Variants in DISP3 observed in about 807,000 individuals in gnomAD.
DISP3 encodes the protein dispatched RND transporter family member 3, also known as protein dispatched homolog 3.
A neutral mutation model predicts 135.3 loss-of-function variants in DISP3; 101 were observed. The ratio of observed to expected loss-of-function variants is 0.75; its 90% confidence interval spans 0.64 to 0.88. The LOEUF (loss-of-function observed/expected upper bound fraction) is 0.88. Ranked by LOEUF, DISP3 falls within the 40% of genes least tolerant of loss-of-function variation. The pLI, the probability that DISP3 is intolerant of heterozygous loss-of-function variation, is 0.00. For synonymous variants in DISP3, 856 were observed against 817.0 expected, an observed-to-expected ratio of 1.05 and a Z score of -0.81; for missense variants, 1,713 against 1,878.6, an observed-to-expected ratio of 0.91 and a Z score of 1.63.
rs1640826334 is a variant in DISP3, at chr1:11,479,345, T to C, written c.-31T>C. 1 of 153,782 alleles carries C rather than the reference T, an allele frequency of 6.5e-6. No individual in the cohort carries two copies. Among genetic ancestry groups the C allele is most frequent in the Non-Finnish European group, 1.5e-5 (1 of 68,108 alleles). 9.5% of individuals were successfully genotyped at this position (153,782 alleles called of 1,614,324 possible). ...GCGCACTCTCTCCCGCGCCGGCGGCTCAGCCTAGCCCCGTTCGGCCGGCCG... is the reference window on the plus strand; with the variant it reads ...GCGCACTCTCTCCCGCGCCGGCGGCCCAGCCTAGCCCCGTTCGGCCGGCCG... On this transcript the variant is annotated 5_prime_UTR_variant, in exon 1 of 21. Coordinates refer to ENST00000294484, the MANE Select transcript of DISP3 (RefSeq NM_020780.2).
At chr1:11,517,726 A>C in intron 7 of DISP3, 124 bp downstream of exon 7, 1 of 1,282,648 alleles carries the variant, frequency 7.8e-7, no homozygotes. Flanking sequence ...GGCAGGGAAC[A>C]GGGAAGGAGA....
intron 1 of DISP3, among the ~76,000 whole-genome samples, chr1:11,484,146 G>C (rs1570048851): frequency 6.6e-6 from 1 of 152,356 alleles, no homozygotes; most frequent in East Asian, 1.9e-4. Flanking sequence ...CCAAATGCCA[G>C]GCAGTGTGCT....
chr1:11,531,471 T>A lies in DISP3; in HGVS notation c.3230-94T>A. 1 of 1,558,314 alleles carries A rather than the reference T, an allele frequency of 6.4e-7. No homozygotes were observed. The highest frequency in any genetic ancestry group is 8.8e-7 in the Non-Finnish European group (1 of 1,134,138). ...CCAATGGTTACAAGCACTCTAAGCCTCAGAGGTATGTGAGTGCGTGGGCAC... is the reference window on the plus strand; with the variant it reads ...CCAATGGTTACAAGCACTCTAAGCCACAGAGGTATGTGAGTGCGTGGGCAC... On this transcript the variant is annotated intron_variant, in intron 16 of 20. Transcript: ENST00000294484. This position sits in a 1 kb window ranked among gnomAD's most constrained non-coding sequence, Gnocchi z 5.2.
chr1:11,536,266 T>A lies in DISP3; in HGVS notation c.3817-58T>A. 1 of 1,547,928 alleles carries A rather than the reference T, an allele frequency of 6.5e-7. No homozygotes were observed. The highest frequency in any genetic ancestry group is 8.7e-7 in the Non-Finnish European group (1 of 1,153,686). On this transcript the variant is annotated intron_variant, in intron 20 of 20. Transcript: ENST00000294484. This position sits in a 1 kb window ranked among gnomAD's most constrained non-coding sequence, Gnocchi z 4.3. Reference sequence around the variant, plus strand: ...GGGTGGGGGTGCGTGATTCCCCAGGTGCTGGCCAGAGGGGTCCCGCAGGCA... The same window carrying A: ...GGGTGGGGGTGCGTGATTCCCCAGGAGCTGGCCAGAGGGGTCCCGCAGGCA...
At chr1:11,500,534 C>T (rs1347977545) in intron 1 of DISP3, among the ~76,000 whole-genome samples, 1 of 152,218 alleles carries the variant, frequency 6.6e-6, no homozygotes, top group Non-Finnish European at 1.5e-5. Context: ...CATGCTCTTT[C>T]CCTTGCACCC....
At chr1:11,518,440 G>GGC (rs1042083434) in intron 7 of DISP3, among the ~76,000 whole-genome samples, 5 of 152,218 alleles carry the variant, frequency 3.3e-5, no homozygotes, top group African/African-American at 1.2e-4. Context: ...CCCCGGCGGA[G>GGC]GCACTGCTCT....
In DISP3 at chr1:11,531,176, A is replaced by T. The variant is rs2817629; in HGVS notation, c.3229+143A>T. The T allele has an allele frequency of 2.2e-6, 3 of 1,355,490 alleles. No individual in the cohort carries two copies. The African/African-American group carries it at 4.3e-5, about 20-fold the overall frequency. The allele number at this position is 1,355,490 out of a possible 1,614,324, so 84.0% of individuals were successfully genotyped here. ...TTGCAGATGTGTATCTGTGCTGAGC[A>T]TGTCCACACCAGGGTGGGGTGTGTG... On this transcript the variant is annotated intron_variant, in intron 16 of 20. Coordinates refer to ENST00000294484, the MANE Select transcript of DISP3 (RefSeq NM_020780.2). The surrounding 1 kb of genome is among the most constrained non-coding windows in gnomAD (Gnocchi z 5.2).
intron 3 of DISP3, among the ~76,000 whole-genome samples, chr1:11,508,878 C>T (rs1641779006): frequency 6.6e-6 from 1 of 152,084 alleles, no homozygotes; most frequent in Non-Finnish European, 1.5e-5. Context: ...TGATTTTCTC[C>T]ATTGCTTTTC....
In DISP3 at chr1:11,519,767, G is replaced by A. The variant is rs1271552814; in HGVS notation, c.2087G>A (p.Gly696Asp). ...TCCCTGGTGTCTGTGTCCCCCGAGG[G>A]TCTGCAGCCAGCCTCCAACACGGGC... is the stretch of plus-strand genomic sequence containing the variant. ...DVSLVSVSPE[G>D]LQPASNTGSR... Residue 696 changes from glycine (G) to aspartate (D), a missense_variant, in exon 9 of 21, where the codon GGT becomes GAT. Transcript: ENST00000294484. This position sits in a 1 kb window ranked among gnomAD's most constrained non-coding sequence, Gnocchi z 4.3. 2 of 1,613,028 alleles carry A rather than the reference G, an allele frequency of 1.2e-6. No homozygotes were observed. The highest frequency in any genetic ancestry group is 8.5e-7 in the Non-Finnish European group (1 of 1,180,016).
Position 11,531,510 on chromosome 1 carries a change from G to A in DISP3, c.3230-55G>A, listed in dbSNP as rs956370554. The A allele has an allele frequency of 1.9e-6, 3 of 1,611,388 alleles. No homozygotes were observed. Among genetic ancestry groups the A allele is most frequent in the Non-Finnish European group, 2.5e-6 (3 of 1,178,762 alleles). ...GTGCGTGGGCACAGGTGTGATGCAG[G>A]GGGACAGGCTCTTCCAGGGCCACCA... On this transcript the variant is annotated intron_variant, in intron 16 of 20. Transcript: ENST00000294484. The surrounding 1 kb of genome is among the most constrained non-coding windows in gnomAD (Gnocchi z 5.2).
chr1:11,507,691 A>G (rs1401943396), intron 3 of DISP3, among the ~76,000 whole-genome samples: 1 of 152,194 alleles, frequency 6.6e-6, no homozygotes, highest in Non-Finnish European at 1.5e-5. Flanking sequence ...CTCTAATTCG[A>G]TTACTTCAGC....
chr1:11,534,317 G>T, intron 17 of DISP3, 64 bp from the exon 18 acceptor site: 1 of 1,584,886 alleles, frequency 6.3e-7, no homozygotes, highest in Non-Finnish European at 8.7e-7. Context: ...GACCAGCCAT[G>T]CCTGGGAAGG....
rs1258705668 is a variant in DISP3, at chr1:11,514,423, G to A, written c.1350G>A (p.Leu450=). 2.5e-6 allele frequency: 4 copies of A among 1,613,574 alleles called. No homozygotes were observed. The South Asian group carries it at 4.4e-5, about 18-fold the overall frequency. ...KVQVLYGGTD[L]FDYEVRRTFN... Reference sequence around the variant, plus strand: ...AGGTTCTCTATGGGGGGACAGACCTGTTTGACTATGAAGTGCGCAGGACGT... The same window carrying A: ...AGGTTCTCTATGGGGGGACAGACCTATTTGACTATGAAGTGCGCAGGACGT... The change falls in exon 4 of 21, where the codon CTG becomes CTA. Residue 450 remains leucine, a synonymous_variant. Coordinates refer to ENST00000294484, the MANE Select transcript of DISP3 (RefSeq NM_020780.2).
chr1:11,502,006 G>T lies in DISP3; in HGVS notation c.1014G>T (p.Ser338=), dbSNP rs373820154. 5.7e-5 allele frequency: 92 copies of T among 1,612,186 alleles called. No individual in the cohort carries two copies. The highest frequency in any genetic ancestry group is 7.1e-5 in the Non-Finnish European group (84 of 1,179,174). The part of the protein sequence containing the change: ...GSYSYCSPPS[S]LMTYFFPTER... ...ACTCCTACTGCTCGCCCCCCAGCTCGCTCATGACCTACTTTTTTCCCACCG... is the reference window on the plus strand; with the variant it reads ...ACTCCTACTGCTCGCCCCCCAGCTCTCTCATGACCTACTTTTTTCCCACCG... The change falls in exon 2 of 21, where the codon TCG becomes TCT. Residue 338 remains serine (S), a synonymous_variant. Coordinates refer to ENST00000294484, the MANE Select transcript of DISP3 (RefSeq NM_020780.2).
intron 3 of DISP3, among the ~76,000 whole-genome samples, chr1:11,509,293 T>G (rs1331760517): frequency 6.6e-6 from 1 of 152,184 alleles, no homozygotes; most frequent in Non-Finnish European, 1.5e-5. Flanking sequence ...TTAAATTTAT[T>G]GAGTCTTGTT....
At chr1:11,480,978 T>G (rs1314901802) in intron 1 of DISP3, among the ~76,000 whole-genome samples, 1 of 151,270 alleles carries the variant, frequency 6.6e-6, no homozygotes, top group Non-Finnish European at 1.5e-5. Context: ...ACATGTACAA[T>G]CAGGGTCCGC....
chr1:11,527,811 C>G (rs185443048), intron 13 of DISP3, among the ~76,000 whole-genome samples: 1 of 152,164 alleles, frequency 6.6e-6, no homozygotes, highest in African/African-American at 2.4e-5. Context: ...TGTGAGACAA[C>G]TTCTCAAGAT....
chr1:11,507,567 C>T (rs1435269239), intron 3 of DISP3, among the ~76,000 whole-genome samples: 1 of 152,224 alleles, frequency 6.6e-6, no homozygotes, highest in African/African-American at 2.4e-5. Context: ...GACTCCCAGC[C>T]AAGTTTTTCA....
intron 1 of DISP3, among the ~76,000 whole-genome samples, chr1:11,496,281 G>A (rs552491531): frequency 3.9e-5 from 6 of 152,270 alleles, no homozygotes; most frequent in South Asian, 2.1e-4. Flanking sequence ...GGTTGGTTTC[G>A]TGGATATGCA....
Sources: gnomAD v4.1 joint callset for allele counts (sites outside exome capture counted in the v4.1 genomes callset) on GRCh38, gnomAD v4.1.1 for gene constraint, Gnocchi (gnomAD v3.1) non-coding constraint, MANE v1.5 for transcripts, NCBI Gene and HGNC (gene_info 2026-07-23, HGNC 2026-07-21) for gene names.